Variants in C11orf54 observed in about 807,000 individuals in gnomAD.
C11orf54 encodes beta-keto L-gulonate decarboxylase.
In C11orf54, 29 loss-of-function variants were observed where a neutral mutation model predicts 35.5. The ratio of observed to expected loss-of-function variants is 0.82; its 90% confidence interval spans 0.61 to 1.11. The LOEUF (loss-of-function observed/expected upper bound fraction) is 1.11, where lower values mean the gene tolerates loss of function less well. Among genes scored for constraint, C11orf54 ranks in the 50% most tolerant of loss-of-function variants. C11orf54 has a pLI of 0.00. For synonymous variants in C11orf54, 108 were observed against 121.1 expected, an observed-to-expected ratio of 0.89 and a Z score of 0.71; for missense variants, 373 against 369.2, an observed-to-expected ratio of 1.01 and a Z score of -0.08.
chr11:93,756,491 A>T (rs1397498547), intron 6 of C11orf54, among the ~76,000 whole-genome samples: 3 of 32,110 alleles, frequency 9.3e-5, no homozygotes, highest in South Asian at 1.2e-3. Flanking sequence ...ACCTGTCTTA[A>T]AAAAAAAAAA....
chr11:93,744,949 CAT>C (rs560658003), intron 1 of C11orf54, among the ~76,000 whole-genome samples: 18 of 151,676 alleles, frequency 1.2e-4, no homozygotes, highest in South Asian at 2.1e-4. Context: ...AGCAGGAAAA[CAT>C]GTGAGTAAAG....
Sources: gnomAD v4.1 joint callset for allele counts (sites outside exome capture counted in the v4.1 genomes callset) on GRCh38, gnomAD v4.1.1 for gene constraint, MANE v1.5 for transcripts, NCBI Gene and HGNC (gene_info 2026-07-23, HGNC 2026-07-21) for gene names.